Variants in CD96 observed in about 807,000 individuals in gnomAD.
The protein encoded by CD96 is CD96 molecule, also known as T-cell surface protein tactile.
A neutral mutation model predicts 71.3 loss-of-function variants in CD96; 70 were observed. The observed-to-expected ratio is 0.98, with a 90% CI of 0.81 to 1.20. The LOEUF is 1.20. CD96 is among the 50% of genes most tolerant of loss of function. The pLI, the probability that CD96 is intolerant of heterozygous loss-of-function variation, is 0.00. For missense variants in CD96, 742 were observed against 677.5 expected (o/e 1.10, Z -1.06); for synonymous variants, 248 against 233.0 (o/e 1.06, Z -0.59).
chr3:111,616,161 T>TA (rs1559758543), intron 8 of CD96, among the ~76,000 whole-genome samples: 1 of 118,070 alleles, frequency 8.5e-6, no homozygotes, highest in African/African-American at 3.1e-5. Context: ...TCTCCACACA[T>TA]AAAAAAAGTA....
intron 13 of CD96, among the ~76,000 whole-genome samples, chr3:111,648,229 T>C (rs1416367212): frequency 6.6e-6 from 1 of 152,212 alleles, no homozygotes; most frequent in African/African-American, 2.4e-5. Context: ...TCTGAAATGG[T>C]ACATAAGGTT....
At chr3:111,562,163 G>T (rs987049856) in intron 2 of CD96, among the ~76,000 whole-genome samples, 4 of 152,146 alleles carry the variant, frequency 2.6e-5, no homozygotes, top group Non-Finnish European at 5.9e-5. Context: ...AGAAATCACC[G>T]GTCTTCTGCG....
chr3:111,654,315 C>T (rs1416482206), downstream of CD96, among the ~76,000 whole-genome samples: 3 of 152,072 alleles, frequency 2.0e-5, no homozygotes, highest in African/African-American at 7.2e-5. Flanking sequence ...TGGATTTCCT[C>T]GATTACTAAC....
At chr3:111,555,220 A>G (rs73852803) in intron 2 of CD96, among the ~76,000 whole-genome samples, 12,149 of 41,570 alleles carry the variant, frequency 0.29, 1,250 homozygotes, top group African/African-American at 0.42. Flanking sequence ...AAATTAAGAG[A>G]AAAGAAAAGA....
At chr3:111,656,170 C>G (rs1014388170), downstream of CD96, among the ~76,000 whole-genome samples, 1 of 151,872 alleles carries the variant, frequency 6.6e-6, no homozygotes, top group Non-Finnish European at 1.5e-5. Flanking sequence ...GGATAAAAAA[C>G]TGAAAAATCC....
intron 12 of CD96, among the ~76,000 whole-genome samples, chr3:111,639,275 G>T (rs1210677013): frequency 6.6e-6 from 1 of 152,212 alleles, no homozygotes; most frequent in East Asian, 1.9e-4. Context: ...ACTCGGGGCT[G>T]TTGGCGGGGT....
chr3:111,551,105 C>T (rs186581190), intron 2 of CD96, among the ~76,000 whole-genome samples: 1 of 152,074 alleles, frequency 6.6e-6, no homozygotes, highest in Non-Finnish European at 1.5e-5. Flanking sequence ...GAGTGATTAA[C>T]TCATTAAAAG....
intron 4 of CD96, among the ~76,000 whole-genome samples, chr3:111,585,065 AGTTT>A (rs1318717219): frequency 6.6e-6 from 1 of 152,088 alleles, no homozygotes; most frequent in African/African-American, 2.4e-5. Context: ...TGTAACTTCC[AGTTT>A]GTTTATCTGT....
At chr3:111,583,327 T>C (rs1404152362) in intron 4 of CD96, among the ~76,000 whole-genome samples, 1 of 152,214 alleles carries the variant, frequency 6.6e-6, no homozygotes. Flanking sequence ...GCCTCCCTCC[T>C]GGCTGCTTTC....
chr3:111,546,191 A>C (rs113365339), intron 2 of CD96, among the ~76,000 whole-genome samples: 1 of 152,200 alleles, frequency 6.6e-6, no homozygotes, highest in Admixed American at 6.5e-5. Flanking sequence ...GAGAGAATAT[A>C]AGACAAGGGC....
intron 14 of CD96, among the ~76,000 whole-genome samples, chr3:111,665,172 A>AGT (rs3082291): frequency 0.16 from 23,442 of 149,268 alleles, 1,890 homozygotes; most frequent in African/African-American, 0.18. Flanking sequence ...AGATGGAATA[A>AGT]GTGTGTGTGT....
intron 5 of CD96, among the ~76,000 whole-genome samples, chr3:111,589,939 T>C (rs1417186449): frequency 6.6e-6 from 1 of 152,204 alleles, no homozygotes; most frequent in Non-Finnish European, 1.5e-5. Context: ...ACTGGAATAA[T>C]AACAAATACT....
chr3:111,634,903 A>T (rs1939251586), intron 10 of CD96: 1 of 152,258 alleles, frequency 6.6e-6, no homozygotes, highest in East Asian at 1.9e-4. Context: ...CTCAAAAAAA[A>T]AAAAATAGAC....
At chr3:111,571,019 T>C in intron 3 of CD96, 1 of 1,420,106 alleles carries the variant, frequency 7.0e-7, no homozygotes, top group Non-Finnish European at 1.0e-6. Context: ...GCTTCTCTTT[T>C]GGGGTCAGCG....
intron 12 of CD96, among the ~76,000 whole-genome samples, chr3:111,645,111 C>CA (rs1452041891): frequency 2.0e-5 from 3 of 152,034 alleles, no homozygotes; most frequent in Non-Finnish European, 4.4e-5. Flanking sequence ...GGAACCAACC[C>CA]AAATGCCCAT....
chr3:111,607,623 A>C (rs951705342), intron 8 of CD96, among the ~76,000 whole-genome samples: 6 of 152,252 alleles, frequency 3.9e-5, no homozygotes, highest in South Asian at 2.1e-4. Context: ...GCTCAAAATG[A>C]GAACTGAAAA....
intron 3 of CD96, among the ~76,000 whole-genome samples, chr3:111,576,833 C>G (rs1266102232): frequency 6.6e-6 from 1 of 152,152 alleles, no homozygotes; most frequent in African/African-American, 2.4e-5. Context: ...CTAGGCATTT[C>G]GTTGTTTGCC....
intron 8 of CD96, among the ~76,000 whole-genome samples, chr3:111,620,764 C>T (rs1048413280): frequency 3.9e-5 from 6 of 152,210 alleles, no homozygotes; most frequent in Non-Finnish European, 7.3e-5. Flanking sequence ...GGTAAAGCAA[C>T]ATAGATGTCT....
At chr3:111,638,977 A>G (rs1369886767) in intron 12 of CD96, among the ~76,000 whole-genome samples, 1 of 152,222 alleles carries the variant, frequency 6.6e-6, no homozygotes, top group Non-Finnish European at 1.5e-5. Flanking sequence ...GGAAAAAAAA[A>G]TATAGGCATT....
Sources: gnomAD v4.1 joint callset for allele counts (sites outside exome capture counted in the v4.1 genomes callset) on GRCh38, gnomAD v4.1.1 for gene constraint, MANE v1.5 for transcripts, NCBI Gene and HGNC (gene_info 2026-07-23, HGNC 2026-07-21) for gene names.